KDM4C: variants seen among roughly 807,000 people sequenced by gnomAD.
KDM4C encodes lysine-specific demethylase 4C.
KDM4C carries 81 observed loss-of-function variants against 129.3 expected under a neutral mutation model. That is an observed-to-expected ratio of 0.63 (90% confidence interval 0.52 to 0.75). The LOEUF is 0.75. Among genes scored for constraint, KDM4C ranks in the 30% least tolerant of loss-of-function variants. KDM4C has a pLI of 0.00. For missense variants in KDM4C, 1,457 were observed against 1,304.0 expected (o/e 1.12, Z -1.81); for synonymous variants, 573 against 456.1 (o/e 1.26, Z -3.26).
At chr9:7,095,765 C>T (rs1035467609) in intron 17 of KDM4C, among the ~76,000 whole-genome samples, 1 of 152,266 alleles carries the variant, frequency 6.6e-6, no homozygotes, top group African/African-American at 2.4e-5. Context: ...GGAGAGCATA[C>T]ACATCAGTGA....
intron 8 of KDM4C, among the ~76,000 whole-genome samples, chr9:6,916,738 T>C (rs1183640584): frequency 6.6e-6 from 1 of 152,252 alleles, no homozygotes; most frequent in Non-Finnish European, 1.5e-5. Flanking sequence ...TATTTCTGTT[T>C]TAAGCATTGA....
At chr9:7,115,350 C>T (rs10758832) in intron 18 of KDM4C, among the ~76,000 whole-genome samples, 72,532 of 151,894 alleles carry the variant, frequency 0.48, 17,879 homozygotes, top group East Asian at 0.74. Flanking sequence ...AATTAAGGCA[C>T]GCAGAATCGT....
chr9:7,061,148 C>T (rs987908548), intron 17 of KDM4C, among the ~76,000 whole-genome samples: 5 of 152,206 alleles, frequency 3.3e-5, no homozygotes, highest in African/African-American at 1.2e-4. Flanking sequence ...TTGCACTATA[C>T]AGATGTGTCC....
intron 6 of KDM4C, among the ~76,000 whole-genome samples, chr9:6,884,033 A>T (rs551806529): frequency 6.6e-6 from 1 of 152,172 alleles, no homozygotes; most frequent in Non-Finnish European, 1.5e-5. Context: ...CCATTACACA[A>T]CGCGCACCAT....
intron 8 of KDM4C, among the ~76,000 whole-genome samples, chr9:6,963,631 A>G (rs1470247401): frequency 6.6e-6 from 1 of 152,242 alleles, no homozygotes; most frequent in Non-Finnish European, 1.5e-5. Context: ...CAGTGGAGAG[A>G]CAGGACATCT....
At chr9:7,048,840 T>C (rs543523153) in intron 16 of KDM4C, among the ~76,000 whole-genome samples, 19 of 152,204 alleles carry the variant, frequency 1.2e-4, no homozygotes, top group African/African-American at 4.1e-4. Flanking sequence ...GAAAAATATG[T>C]GCACGTTAAT....
At chr9:7,032,346 T>C (rs1025011435) in intron 15 of KDM4C, among the ~76,000 whole-genome samples, 1 of 152,230 alleles carries the variant, frequency 6.6e-6, no homozygotes, top group African/African-American at 2.4e-5. Context: ...ATGTTACTTT[T>C]ATTCCAGAAC....
At chr9:7,036,841 A>C (rs1484844549) in intron 15 of KDM4C, among the ~76,000 whole-genome samples, 5 of 152,204 alleles carry the variant, frequency 3.3e-5, no homozygotes, top group African/African-American at 1.2e-4. Flanking sequence ...TCTAGAGCAC[A>C]TCATGGTGAT....
intron 20 of KDM4C, among the ~76,000 whole-genome samples, chr9:7,169,226 AC>A (rs1278973721): frequency 1.7e-4 from 26 of 152,256 alleles, no homozygotes; most frequent in African/African-American, 6.3e-4. Flanking sequence ...ATCAGCAGCT[AC>A]TTTTCTTTGT....
chr9:7,094,991 T>C (rs1470524773), intron 17 of KDM4C, among the ~76,000 whole-genome samples: 2 of 152,304 alleles, frequency 1.3e-5, no homozygotes, highest in African/African-American at 2.4e-5. Context: ...TGTGTAGTTA[T>C]CAAAGGAAAA....
intron 4 of KDM4C, among the ~76,000 whole-genome samples, chr9:6,822,187 A>T (rs1833150206): frequency 6.6e-6 from 1 of 152,204 alleles, no homozygotes; most frequent in Non-Finnish European, 1.5e-5. Context: ...CTTGGAGCCC[A>T]GTCTTTTTCA....
chr9:6,788,621 G>A (rs1385040993), intron 1 of KDM4C, among the ~76,000 whole-genome samples: 3 of 152,208 alleles, frequency 2.0e-5, no homozygotes, highest in African/African-American at 7.2e-5. Context: ...TCATTCAGCT[G>A]GCAAATAATT....
At chr9:6,953,826 C>A (rs570621947) in intron 8 of KDM4C, among the ~76,000 whole-genome samples, 90 of 152,346 alleles carry the variant, frequency 5.9e-4, no homozygotes, top group African/African-American at 2.1e-3. Flanking sequence ...ATGGTATTCT[C>A]TGCTTCCTGC....
intron 1 of KDM4C, among the ~76,000 whole-genome samples, chr9:6,726,249 C>T (rs953759332): frequency 1.3e-5 from 2 of 152,098 alleles, no homozygotes; most frequent in African/African-American, 4.8e-5. Context: ...AACTGGTCAG[C>T]CCCTCAAACC....
chr9:6,996,630 C>T (rs1819799179), intron 12 of KDM4C, among the ~76,000 whole-genome samples: 1 of 152,160 alleles, frequency 6.6e-6, no homozygotes, highest in African/African-American at 2.4e-5. Context: ...CAGAGGACGT[C>T]GTGAGCATGG....
At chr9:6,853,656 A>G (rs1839257020) in intron 5 of KDM4C, among the ~76,000 whole-genome samples, 1 of 152,244 alleles carries the variant, frequency 6.6e-6, no homozygotes, top group South Asian at 2.1e-4. Context: ...AAGAGACTTC[A>G]AAGCAGCTGA....
chr9:6,762,662 CT>C (rs1031418918), intron 1 of KDM4C, among the ~76,000 whole-genome samples: 121 of 138,354 alleles, frequency 8.7e-4, no homozygotes, highest in Non-Finnish European at 1.3e-3. Flanking sequence ...AGGTCATTGT[CT>C]TTTTTTTTTT....
intron 12 of KDM4C, among the ~76,000 whole-genome samples, chr9:7,007,177 C>CT (rs1157343649): frequency 3.3e-5 from 5 of 152,188 alleles, no homozygotes; most frequent in Non-Finnish European, 7.3e-5. Context: ...TTCCACATAC[C>CT]TTGGTGCCTG....
At chr9:6,893,266 A>C in intron 8 of KDM4C, 34 bp downstream of exon 8, 2 of 1,576,724 alleles carry the variant, frequency 1.3e-6, no homozygotes, top group Non-Finnish European at 1.7e-6. Flanking sequence ...GCAAAAATTA[A>C]ATGTGTATTC....
Sources: allele counts gnomAD v4.1 joint callset (sites outside exome capture counted in the v4.1 genomes callset), GRCh38; gene constraint gnomAD v4.1.1; transcripts MANE v1.5; gene names NCBI Gene and HGNC (gene_info 2026-07-23, HGNC 2026-07-21).